ENPP1: variants seen among roughly 807,000 people sequenced by gnomAD.
ENPP1 encodes ectonucleotide pyrophosphatase/phosphodiesterase family member 1.
A neutral mutation model predicts 122.8 loss-of-function variants in ENPP1; 73 were observed. That is an observed-to-expected ratio of 0.59 (90% confidence interval 0.49 to 0.72). The LOEUF is 0.72. Ranked by LOEUF, ENPP1 falls within the 30% of genes least tolerant of loss-of-function variation. The pLI is 0.00. For missense variants in ENPP1, 978 were observed against 1,128.1 expected (o/e 0.87, Z 1.91); for synonymous variants, 367 against 391.6 (o/e 0.94, Z 0.74).
intron 6 of ENPP1, among the ~76,000 whole-genome samples, chr6:131,858,240 C>T (rs772319977): frequency 6.6e-6 from 1 of 152,112 alleles, no homozygotes; most frequent in African/African-American, 2.4e-5. Context: ...CCAGGGTTAG[C>T]TGCTTCTAGA....
At chr6:131,837,394 C>T (rs1307582784) in intron 1 of ENPP1, among the ~76,000 whole-genome samples, 5 of 151,656 alleles carry the variant, frequency 3.3e-5, no homozygotes, top group African/African-American at 7.3e-5. Context: ...GGTGTGGTGG[C>T]GCATGCCTGT....
At position 131,847,783 on chromosome 6, in the gene ENPP1, C is replaced by G. The variant is rs1256980513; in HGVS notation, c.248C>G (p.Ser83Ter). Residue 83 changes from serine to a stop codon, truncating the protein, a stop_gained, in exon 2 of 25, where the codon TCA becomes TGA. Transcript: ENST00000647893. LOFTEE classifies it high-confidence loss of function. ...NTYKVLSLVL[S>*]VCVLTTILGC... ...TCTCTTTTCTCCCTACAGGTATTGT[C>G]AGTATGTGTGTTAACAACAATACTT... 6.2e-7 allele frequency: 1 copy of G among 1,606,268 alleles called. No individual in the cohort carries two copies. Among genetic ancestry groups the G allele is most frequent in the Non-Finnish European group, 8.5e-7 (1 of 1,174,548 alleles).
intron 1 of ENPP1, among the ~76,000 whole-genome samples, chr6:131,823,449 G>A (rs1009546314): frequency 6.6e-6 from 1 of 151,972 alleles, no homozygotes; most frequent in African/African-American, 2.4e-5. Context: ...CCCATTTAGA[G>A]AGTCAAAAAA....
At chr6:131,867,927 CTT>C (rs879176917) in intron 11 of ENPP1, 89 bp from the exon 12 acceptor site, 9,041 of 715,630 alleles carry the variant, frequency 0.013, no homozygotes, top group Non-Finnish European at 0.014. Flanking sequence ...TTGTTTCTTT[CTT>C]TTTTTTTTTT....
At chr6:131,838,011 A>G (rs1241747371) in intron 1 of ENPP1, among the ~76,000 whole-genome samples, 1 of 152,142 alleles carries the variant, frequency 6.6e-6, no homozygotes, top group Non-Finnish European at 1.5e-5. Context: ...TTTGAACAGT[A>G]TTTGAATAAA....
At chr6:131,852,007 G>A (rs1781888790) in intron 4 of ENPP1, among the ~76,000 whole-genome samples, 168 bp from the exon 5 acceptor site, 1 of 152,132 alleles carries the variant, frequency 6.6e-6, no homozygotes, top group African/African-American at 2.4e-5. Context: ...TTATTTTGAA[G>A]CACAATAATT....
At position 131,869,486 on chromosome 6, in the gene ENPP1, T is replaced by A; in HGVS notation, c.1402T>A (p.Ser468Thr). ...CTCTGATGTCCCAGATAAATACTAT[T>A]CATGTAAGTATATCTCTGTGATAAC... is the stretch of plus-strand genomic sequence containing the variant. The part of the protein sequence containing the change: ...RPSDVPDKYY[S>T]FNYEGIARNL... The change falls in exon 13 of 25, where the codon TCA (serine) becomes ACA (threonine). Residue 468 changes from serine (S) to threonine (T), a missense_variant. Ser to Thr is a moderately conservative substitution (Grantham distance 58). Coordinates refer to ENST00000647893, the MANE Select transcript of ENPP1 (RefSeq NM_006208.3). 6.2e-7 allele frequency: 1 copy of A among 1,613,270 alleles called. No individual in the cohort carries two copies. Among genetic ancestry groups the A allele is most frequent in the Non-Finnish European group, 8.5e-7 (1 of 1,179,352 alleles).
intron 2 of ENPP1, among the ~76,000 whole-genome samples, chr6:131,848,576 A>AT (rs1781842934): frequency 6.6e-6 from 1 of 152,174 alleles, no homozygotes; most frequent in South Asian, 2.1e-4. Context: ...AAAAGTAGTA[A>AT]TTTTATGTAT....
chr6:131,819,056 C>T (rs1485616189), intron 1 of ENPP1, among the ~76,000 whole-genome samples: 1 of 152,124 alleles, frequency 6.6e-6, no homozygotes, highest in Admixed American at 6.5e-5. Context: ...CTGATCCTTA[C>T]ACAAAATTGA....
chr6:131,836,672 G>A (rs1040217864), intron 1 of ENPP1, among the ~76,000 whole-genome samples: 1 of 152,106 alleles, frequency 6.6e-6, no homozygotes, highest in Non-Finnish European at 1.5e-5. Context: ...CATACGTCCA[G>A]CAATTTCATT....
intron 16 of ENPP1, 38 bp from the exon 17 acceptor site, chr6:131,875,738 T>C: frequency 6.5e-7 from 1 of 1,534,886 alleles, no homozygotes; most frequent in South Asian, 1.1e-5. Context: ...TGTAGACAGC[T>C]GAAATGCACT....
chr6:131,830,024 A>G lies in ENPP1; in HGVS notation c.241-17752A>G, dbSNP rs146646401. Among the ~76,000 whole-genome samples, 245 of 152,308 alleles carry G rather than the reference A, an allele frequency of 1.6e-3. 2 individuals are homozygous for G. The South Asian group carries it at 0.019, about 12-fold the overall frequency. ...GATCAAAAGAAAAGGCAGTAACACA[A>G]CTTGGGTTTCTTGGGAAACAGACTA... On this transcript the variant is annotated intron_variant, in intron 1 of 24. Coordinates refer to ENST00000647893, the MANE Select transcript of ENPP1 (RefSeq NM_006208.3).
chr6:131,828,993 C>T (rs1188336957), intron 1 of ENPP1, among the ~76,000 whole-genome samples: 2 of 152,206 alleles, frequency 1.3e-5, no homozygotes, highest in Non-Finnish European at 2.9e-5. Flanking sequence ...AAAATTATTT[C>T]AGAAAAAAAC....
At chr6:131,832,165 T>C (rs9398996) in intron 1 of ENPP1, among the ~76,000 whole-genome samples, 13,776 of 152,042 alleles carry the variant, frequency 0.091, 752 homozygotes, top group South Asian at 0.22. Context: ...TTTTAGGTTC[T>C]CTTGACTTGT....
At chr6:131,845,794 C>T (rs1174929809) in intron 1 of ENPP1, among the ~76,000 whole-genome samples, 2 of 152,072 alleles carry the variant, frequency 1.3e-5, no homozygotes, top group Non-Finnish European at 2.9e-5. Flanking sequence ...TGTCAGTTTA[C>T]ACCACCATCA....
At chr6:131,864,705 C>A in intron 10 of ENPP1, 134 bp downstream of exon 10, 2 of 808,444 alleles carry the variant, frequency 2.5e-6, no homozygotes, top group East Asian at 2.6e-5. Flanking sequence ...AGTAAATGAT[C>A]ATACCACATT....
chr6:131,808,466 C>CT (rs1328082422), intron 1 of ENPP1, among the ~76,000 whole-genome samples, 191 bp downstream of exon 1: 4 of 152,208 alleles, frequency 2.6e-5, no homozygotes, highest in Non-Finnish European at 5.9e-5. Flanking sequence ...TGCCAGGTAC[C>CT]TTGCCAGGGC....
chr6:131,811,599 A>C (rs1107183), intron 1 of ENPP1, among the ~76,000 whole-genome samples: 50,454 of 151,954 alleles, frequency 0.33, 9,560 homozygotes, highest in East Asian at 0.45. Context: ...TCATGTTACA[A>C]TAACGAGCTA....
chr6:131,820,164 G>A, intron 1 of ENPP1: 1 of 292,982 alleles, frequency 3.4e-6, no homozygotes, highest in Non-Finnish European at 6.5e-6. Flanking sequence ...TTTTGGTGTG[G>A]TTTTAAAGAA....
Sources: allele counts gnomAD v4.1 joint callset (sites outside exome capture counted in the v4.1 genomes callset), GRCh38; gene constraint gnomAD v4.1.1; transcripts MANE v1.5; gene names NCBI Gene and HGNC (gene_info 2026-07-23, HGNC 2026-07-21).